The following STT3B variants were observed in gnomAD, a reference collection of about 807,000 sequenced individuals.
STT3B encodes the protein STT3 oligosaccharyltransferase complex catalytic subunit B, also known as dolichyl-diphosphooligosaccharide--protein glycosyltransferase subunit STT3B.
In STT3B, 29 loss-of-function variants were observed where a neutral mutation model predicts 96.8. The observed-to-expected ratio is 0.30, with a 90% confidence interval of 0.22 to 0.41. The LOEUF (loss-of-function observed/expected upper bound fraction) is 0.41. Among genes scored for constraint, STT3B ranks in the 10% least tolerant of loss-of-function variants. The pLI, the probability that STT3B is intolerant of heterozygous loss-of-function variation, is 1.00. For synonymous variants in STT3B, 367 were observed against 360.0 expected, an observed-to-expected ratio of 1.02 and a Z score of -0.22; for missense variants, 640 against 1,022.3, an observed-to-expected ratio of 0.63 and a Z score of 5.10.
chr3:31,619,880 T>G (rs777108366), intron 9 of STT3B, 50 bp downstream of exon 9: 2 of 1,567,324 alleles, frequency 1.3e-6, no homozygotes, highest in Non-Finnish European at 1.7e-6. Flanking sequence ...TTATTTTTCT[T>G]TTTGAGATTA....
intron 5 of STT3B, among the ~76,000 whole-genome samples, chr3:31,606,482 G>T (rs1405782571): frequency 7.3e-6 from 1 of 136,686 alleles, no homozygotes; most frequent in Non-Finnish European, 1.7e-5. Flanking sequence ...GGCTAAAAGG[G>T]GTTAAGGTAC....
chr3:31,539,092 A>G (rs1697168496), intron 1 of STT3B, among the ~76,000 whole-genome samples: 1 of 152,126 alleles, frequency 6.6e-6, no homozygotes, highest in Non-Finnish European at 1.5e-5. Flanking sequence ...TTAGAATTTT[A>G]TGTCTTTGGA....
At chr3:31,625,732 A>G (rs1699522180) in intron 12 of STT3B, among the ~76,000 whole-genome samples, 1 of 152,218 alleles carries the variant, frequency 6.6e-6, no homozygotes, top group African/African-American at 2.4e-5. Flanking sequence ...TTAGCAAAAT[A>G]TTAGAGCATG....
chr3:31,614,968 C>A, intron 5 of STT3B, 137 bp from the exon 6 acceptor site: 1 of 504,698 alleles, frequency 2.0e-6, no homozygotes, highest in Non-Finnish European at 3.5e-6. Context: ...AAATGGACAT[C>A]TAATAAAAGT....
At chr3:31,584,024 G>A (rs1012371959) in intron 3 of STT3B, among the ~76,000 whole-genome samples, 1 of 152,122 alleles carries the variant, frequency 6.6e-6, no homozygotes, top group Non-Finnish European at 1.5e-5. Flanking sequence ...TTACACCTCT[G>A]TTTCCTTCTA....
At chr3:31,593,836 A>G (rs963734035) in intron 3 of STT3B, among the ~76,000 whole-genome samples, 1 of 152,092 alleles carries the variant, frequency 6.6e-6, no homozygotes, top group African/African-American at 2.4e-5. Context: ...TTCCTTGAAC[A>G]TATAACAGCT....
At chr3:31,582,010 C>A (rs1253232797) in intron 3 of STT3B, among the ~76,000 whole-genome samples, 1 of 152,104 alleles carries the variant, frequency 6.6e-6, no homozygotes, top group Non-Finnish European at 1.5e-5. Context: ...TCTTAAAATT[C>A]TTCTTGTTCC....
chr3:31,615,287 C>T (rs1699282280), intron 6 of STT3B, 84 bp downstream of exon 6: 1 of 1,057,856 alleles, frequency 9.5e-7, no homozygotes, highest in African/African-American at 1.6e-5. Flanking sequence ...AGTTTTTGAT[C>T]ATTTTGGTTG....
intron 5 of STT3B, among the ~76,000 whole-genome samples, chr3:31,603,485 A>G (rs1391272375): frequency 2.6e-5 from 4 of 152,060 alleles, no homozygotes; most frequent in African/African-American, 9.7e-5. Context: ...GAATTTCACT[A>G]TATTGGGAAG....
intron 14 of STT3B, among the ~76,000 whole-genome samples, chr3:31,630,446 C>G (rs1322150756): frequency 3.9e-5 from 6 of 152,166 alleles, no homozygotes; most frequent in Non-Finnish European, 7.4e-5. Flanking sequence ...ATGTATTGTT[C>G]TTTGTTAAGC....
intron 4 of STT3B, among the ~76,000 whole-genome samples, chr3:31,598,477 T>C (rs1698843920): frequency 6.6e-6 from 1 of 152,148 alleles, no homozygotes. Context: ...GAGAGACGGA[T>C]TGAGAAAAAG....
chr3:31,586,539 G>A (rs994605297), intron 3 of STT3B, among the ~76,000 whole-genome samples: 7 of 152,010 alleles, frequency 4.6e-5, no homozygotes, highest in African/African-American at 1.7e-4. Flanking sequence ...TAACAGTCAG[G>A]TCTGTCATCT....
intron 12 of STT3B, 123 bp downstream of exon 12, chr3:31,625,208 T>C: frequency 2.5e-6 from 2 of 808,100 alleles, no homozygotes; most frequent in Non-Finnish European, 3.8e-6. Flanking sequence ...CAAAATACTT[T>C]TTTACACATA....
chr3:31,548,965 G>A (rs983910819), intron 1 of STT3B, among the ~76,000 whole-genome samples: 1 of 152,138 alleles, frequency 6.6e-6, no homozygotes, highest in Non-Finnish European at 1.5e-5. Context: ...ACAGTCTTAA[G>A]AAGTTGTTCA....
chr3:31,577,400 C>A (rs1182954276), intron 2 of STT3B, among the ~76,000 whole-genome samples: 1 of 152,052 alleles, frequency 6.6e-6, no homozygotes, highest in African/African-American at 2.4e-5. Context: ...TCATTTAAAA[C>A]AAAATGTATC....
At chr3:31,620,549 C>G (rs1248612716) in intron 9 of STT3B, among the ~76,000 whole-genome samples, 1 of 152,058 alleles carries the variant, frequency 6.6e-6, no homozygotes, top group Non-Finnish European at 1.5e-5. Context: ...ACTAAACATC[C>G]TCTTCATTGA....
At chr3:31,624,806 C>A in intron 11 of STT3B, 108 bp from the exon 12 acceptor site, 1 of 792,600 alleles carries the variant, frequency 1.3e-6, no homozygotes, top group African/African-American at 1.7e-5. Context: ...TTAATAACTA[C>A]CATCCTTAAA....
intron 1 of STT3B, among the ~76,000 whole-genome samples, chr3:31,540,119 A>T (rs1697227082): frequency 6.6e-6 from 1 of 152,150 alleles, no homozygotes. Context: ...TTGTTACTTC[A>T]GAAGATGAGG....
At chr3:31,580,635 ATATTT>A (rs1698363246) in intron 3 of STT3B, among the ~76,000 whole-genome samples, 1 of 152,122 alleles carries the variant, frequency 6.6e-6, no homozygotes. Context: ...ATGTTTTTGT[ATATTT>A]TATTAAGTAT....
Sources: gnomAD v4.1 joint callset for allele counts (sites outside exome capture counted in the v4.1 genomes callset) on GRCh38, gnomAD v4.1.1 for gene constraint, MANE v1.5 for transcripts, NCBI Gene and HGNC (gene_info 2026-07-23, HGNC 2026-07-21) for gene names.